The following SELP variants were observed in gnomAD, a reference collection of about 807,000 sequenced individuals.
SELP encodes selectin P.
In SELP, 92 loss-of-function variants were observed where a neutral mutation model predicts 104.1. That is an observed-to-expected ratio of 0.88 (90% CI 0.75 to 1.05). The LOEUF is 1.05. Ranked by LOEUF, SELP falls within the 50% of genes least tolerant of loss-of-function variation. SELP has a pLI of 0.00. For synonymous variants in SELP, 397 were observed against 364.5 expected, an observed-to-expected ratio of 1.09 and a Z score of -1.01; for missense variants, 1,022 against 1,017.3, an observed-to-expected ratio of 1.00 and a Z score of -0.06.
intron 9 of SELP, 45 bp downstream of exon 9, chr1:169,606,904 T>C (rs768208287): frequency 5.8e-6 from 9 of 1,555,970 alleles, no homozygotes; most frequent in Non-Finnish European, 7.0e-6. Context: ...TTAAAAATAC[T>C]GCCTACAATT....
intron 2 of SELP, 129 bp downstream of exon 2, chr1:169,619,000 A>G (rs1662962086): frequency 1.5e-6 from 1 of 660,892 alleles, no homozygotes. Context: ...TTTGTCTTCC[A>G]GCAATCTGGA....
At chr1:169,610,150 G>A (rs1662440902) in intron 7 of SELP, among the ~76,000 whole-genome samples, 1 of 150,948 alleles carries the variant, frequency 6.6e-6, no homozygotes, top group Non-Finnish European at 1.5e-5. Flanking sequence ...CCTGAAAAGA[G>A]TATATACAGG....
chr1:169,614,102 G>A (rs1455313330), intron 3 of SELP, among the ~76,000 whole-genome samples: 1 of 152,178 alleles, frequency 6.6e-6, no homozygotes, highest in Non-Finnish European at 1.5e-5. Flanking sequence ...TGGGGCGTGG[G>A]GTCACACAGG....
chr1:169,607,073 G>A lies in SELP; in HGVS notation c.1395C>T (p.Phe465=), dbSNP rs148376334. Residue 465 remains phenylalanine (F), a synonymous_variant, in exon 9 of 17, where the codon TTC becomes TTT. Coordinates refer to ENST00000263686, the MANE Select transcript of SELP (RefSeq NM_003005.4). ...NEARVNCSHP[F]GAFRYQSVCS... ...AGACTGACTGGTACCTAAAGGCACC[G>A]AAGGGGTGGGAGCAGTTCACCCGGG... is the stretch of plus-strand genomic sequence containing the variant. 9.9e-6 allele frequency: 16 copies of A among 1,612,936 alleles called. No homozygotes were observed. The highest frequency in any genetic ancestry group is 6.7e-5 in the African/African-American group (5 of 74,850).
rs200326218 is a variant in SELP at position 169,609,566 on chromosome 1, C to T, written c.1271G>A (p.Gly424Glu). ...FRCAEGFMLR[G>E]ADIVRCDNLG... ...GTTATCACACCGAACTATATCGGCT[C>T]CTCTCAGCATGAAACCTTCAGCACA... The change falls in exon 8 of 17, where the codon GGA (glycine) becomes GAA (glutamate). Residue 424 changes from glycine (G) to glutamate (E), a missense_variant. Transcript: ENST00000263686. The T allele has an allele frequency of 1.6e-5, 26 of 1,613,990 alleles. No individual in the cohort carries two copies. Among genetic ancestry groups the T allele is most frequent in the Non-Finnish European group, 2.0e-5 (24 of 1,180,004 alleles).
rs762351992 is a variant in SELP, at chr1:169,603,060, C to T, written c.1671G>A (p.Ser557=). The change falls in exon 10 of 17, where the codon TCG becomes TCA. Residue 557 remains serine (S), a synonymous_variant. Coordinates refer to ENST00000263686, the MANE Select transcript of SELP (RefSeq NM_003005.4). ...SGPERLDCTR[S]GRWTDSPPMC... Reference sequence around the variant, plus strand: ...TTGGTGGGGAGTCTGTCCAGCGTCCCGATCGAGTACAATCCAATCTTTCTG... The same window carrying T: ...TTGGTGGGGAGTCTGTCCAGCGTCCTGATCGAGTACAATCCAATCTTTCTG... 1.9e-5 allele frequency: 30 copies of T among 1,613,742 alleles called. No homozygotes were observed. Among genetic ancestry groups the T allele is most frequent in the Admixed American group, 3.3e-5 (2 of 59,962 alleles).
At chr1:169,602,909 T>G in intron 10 of SELP, 117 bp downstream of exon 10, 1 of 702,822 alleles carries the variant, frequency 1.4e-6, no homozygotes. Context: ...AGATTACCAT[T>G]GTTGTGGAGA....
In SELP at chr1:169,624,510, G is replaced by A. The variant is rs893136705; in HGVS notation, c.4-5291C>T. 2.0e-5 allele frequency among the ~76,000 whole-genome samples: 3 copies of A among 152,318 alleles called. 1 individual carries two copies. The Middle Eastern group carries it at 0.01, about 518-fold the overall frequency. On this transcript the variant is annotated intron_variant, in intron 1 of 16. Coordinates refer to ENST00000263686, the MANE Select transcript of SELP (RefSeq NM_003005.4). The stretch of plus-strand genomic sequence containing the variant: ...CATGCCTCTAATCCCAGCACTTTGG[G>A]AGGCCAAGGTGGGCAGATCACTTGA...
intron 1 of SELP, among the ~76,000 whole-genome samples, chr1:169,625,163 C>T (rs1663316047): frequency 6.6e-6 from 1 of 152,208 alleles, no homozygotes; most frequent in African/African-American, 2.4e-5. Flanking sequence ...CTGACATCCT[C>T]ATTACCAAAC....
At chr1:169,594,119 T>C (rs1571620074) in intron 13 of SELP, among the ~76,000 whole-genome samples, 1 of 151,902 alleles carries the variant, frequency 6.6e-6, no homozygotes, top group East Asian at 1.9e-4. Flanking sequence ...TAGGGTAAGG[T>C]CCCAATAAAA....
intron 1 of SELP, 141 bp downstream of exon 1, chr1:169,629,931 C>A: frequency 9.2e-7 from 1 of 1,087,720 alleles, no homozygotes; most frequent in Non-Finnish European, 1.4e-6. Flanking sequence ...TAAAAGTACT[C>A]ACAAAATCTA....
intron 1 of SELP, among the ~76,000 whole-genome samples, chr1:169,624,004 C>A (rs1290394597): frequency 1.3e-5 from 2 of 152,204 alleles, no homozygotes; most frequent in South Asian, 2.1e-4. Context: ...TGCATGCTTG[C>A]AGTAGTTTAG....
At chr1:169,608,886 C>T (rs1319317012) in intron 8 of SELP, among the ~76,000 whole-genome samples, 2 of 152,084 alleles carry the variant, frequency 1.3e-5, no homozygotes, top group Non-Finnish European at 2.9e-5. Flanking sequence ...ACCACACCCG[C>T]CCCCCATGAG....
intron 2 of SELP, 95 bp downstream of exon 2, chr1:169,619,034 A>G (rs1358529359): frequency 3.9e-6 from 4 of 1,022,216 alleles, no homozygotes; most frequent in Non-Finnish European, 5.8e-6. Flanking sequence ...CCCATGCCTC[A>G]AACCAACTGG....
rs1450370399 is a variant in SELP, at chr1:169,613,544, T to C, written c.589+42A>G. The stretch of plus-strand genomic sequence containing the variant: ...TTTATTTACTTCTTGGCATCATCTC[T>C]AGCATAAAACCAAAATAATATCAAC... On this transcript the variant is annotated intron_variant, in intron 4 of 16. Coordinates refer to ENST00000263686, the MANE Select transcript of SELP (RefSeq NM_003005.4). The C allele has an allele frequency of 6.1e-6, 9 of 1,470,556 alleles. No homozygotes were observed. In the Admixed American group the frequency reaches 1.5e-4, roughly 25 times the overall value. The allele number at this position is 1,470,556 out of a possible 1,614,324, so 91.1% of individuals were successfully genotyped here. A position where few individuals can be genotyped will look rare whatever the true frequency, so the allele number is the denominator to read the frequency against.
Position 169,609,622 on chromosome 1 carries a change from C to G in SELP, c.1215G>C (p.Ala405=), listed in dbSNP as rs138017338. 6.2e-7 allele frequency: 1 copy of G among 1,613,990 alleles called. No individual in the cohort carries two copies. Among genetic ancestry groups the G allele is most frequent in the South Asian group, 1.1e-5 (1 of 91,074 alleles). The change falls in exon 8 of 17, where the codon GCG becomes GCC. Residue 405 remains alanine (A), a synonymous_variant. Coordinates refer to ENST00000263686, the MANE Select transcript of SELP (RefSeq NM_003005.4). ...AGCTACAGTTGGTGTCATACTGAAACGCTCTCAAGGATGGAGAGCAATCCA... is the reference window on the plus strand; with the variant it reads ...AGCTACAGTTGGTGTCATACTGAAAGGCTCTCAAGGATGGAGAGCAATCCA... ...GSMDCSPSLR[A]FQYDTNCSFR...
Position 169,603,307 on chromosome 1 carries a change from C to CTCTGTGTGTGTGTGTGTG in SELP, c.1520-97_1520-96insCACACACACACACACAGA, listed in dbSNP as rs879181764. ...TCTCTCTCTTTCTCCCTCTCTCTCTCTGTGTGTGTGTGTGTGTGTGTGTGT... is the reference window on the plus strand; with the variant it reads ...TCTCTCTCTTTCTCCCTCTCTCTCTCTCTGTGTGTGTGTGTGTGTGTGTGTGTGTGTGTGTGTGTGTGT... On this transcript the variant is annotated intron_variant, in intron 9 of 16. Transcript: ENST00000263686. 21 of 605,584 alleles carry CTCTGTGTGTGTGTGTGTG rather than the reference C, an allele frequency of 3.5e-5. No homozygotes were observed. In the African/African-American group the frequency reaches 3.9e-4, roughly 11 times the overall value. The allele number at this position is 605,584 out of a possible 1,614,324, so 37.5% of individuals were successfully genotyped here.
rs1366299107 is a variant in SELP, at chr1:169,603,594, A to G, written c.1520-383T>C. Among the ~76,000 whole-genome samples, 2 of 152,110 alleles carry G rather than the reference A, an allele frequency of 1.3e-5. 1 individual carries two copies. Among genetic ancestry groups the G allele is most frequent in the Non-Finnish European group, 2.9e-5 (2 of 68,016 alleles). On this transcript the variant is annotated intron_variant, in intron 9 of 16. Coordinates refer to ENST00000263686, the MANE Select transcript of SELP (RefSeq NM_003005.4). ...AGGGGTGGAACTGGTTTCTCCCTTG[A>G]TACCTTCTTCAGAAACACCCCAATG... is the stretch of plus-strand genomic sequence containing the variant.
chr1:169,616,949 C>CCG, intron 3 of SELP, 79 bp downstream of exon 3: 1 of 1,298,612 alleles, frequency 7.7e-7, no homozygotes, highest in South Asian at 2.2e-5. Context: ...TGTGTTGACT[C>CCG]GGTGGTTATG....
Sources: allele counts gnomAD v4.1 joint callset (sites outside exome capture counted in the v4.1 genomes callset), GRCh38; gene constraint gnomAD v4.1.1; transcripts MANE v1.5; gene names NCBI Gene and HGNC (gene_info 2026-07-23, HGNC 2026-07-21).